Variants in GAL3ST2 observed in about 807,000 individuals in gnomAD.
GAL3ST2 encodes the protein beta-galactose-3-O-sulfotransferase 2.
A neutral mutation model predicts 12.9 loss-of-function variants in GAL3ST2; 16 were observed. The ratio of observed to expected loss-of-function variants is 1.24; its 90% CI spans 0.84 to 1.88. GAL3ST2 has a LOEUF of 1.88. GAL3ST2 is among the 40% of genes most tolerant of loss of function. The pLI is 0.00. For missense variants in GAL3ST2, 639 were observed against 571.8 expected, an observed-to-expected ratio of 1.12 and a Z score of -1.20; for synonymous variants, 302 against 273.9, an observed-to-expected ratio of 1.10 and a Z score of -1.01.
chr2:241,794,135 TG>T (rs1166862146), intron 1 of GAL3ST2, among the ~76,000 whole-genome samples: 4 of 152,020 alleles, frequency 2.6e-5, no homozygotes, highest in African/African-American at 7.3e-5. Context: ...TTCGTAGAGA[TG>T]GGGGTCTCAC....
intron 1 of GAL3ST2, among the ~76,000 whole-genome samples, chr2:241,792,251 A>G (rs1699701934): frequency 6.6e-6 from 1 of 151,864 alleles, no homozygotes; most frequent in African/African-American, 2.4e-5. Flanking sequence ...GCTGGTCTCA[A>G]ACTCCTGAAC....
intron 1 of GAL3ST2, among the ~76,000 whole-genome samples, chr2:241,792,678 C>T (rs1455553259): frequency 2.0e-5 from 3 of 152,076 alleles, no homozygotes; most frequent in Non-Finnish European, 4.4e-5. Flanking sequence ...CAGATGAAAC[C>T]TGGGACCAGA....
chr2:241,791,488 C>G (rs1699693406), intron 1 of GAL3ST2, among the ~76,000 whole-genome samples: 1 of 152,146 alleles, frequency 6.6e-6, no homozygotes. Context: ...TCTACAGAGT[C>G]CCTGTACAGG....
chr2:241,798,378 G>C (rs546331991), intron 1 of GAL3ST2, among the ~76,000 whole-genome samples: 1 of 152,220 alleles, frequency 6.6e-6, no homozygotes, highest in African/African-American at 2.4e-5. Context: ...ATGCGATCTC[G>C]AGCCAGCATG....
rs187354175 is a variant in GAL3ST2, at chr2:241,791,524, A to G, written c.30-7541A>G. Among the ~76,000 whole-genome samples the G allele has an allele frequency of 3.2e-4, 48 of 152,310 alleles. No homozygotes were observed. The East Asian group carries it at 6.7e-3, about 21-fold the overall frequency. Reference sequence around the variant, plus strand: ...GTTCCTGACCTGTGGCAAGAAAAGAATATCACTTTCTGACAGGTCCAGGAG... The same window carrying G: ...GTTCCTGACCTGTGGCAAGAAAAGAGTATCACTTTCTGACAGGTCCAGGAG... On this transcript the variant is annotated intron_variant, in intron 1 of 3. Coordinates refer to ENST00000192314, the MANE Select transcript of GAL3ST2 (RefSeq NM_022134.3).
At position 241,799,238 on chromosome 2, in the gene GAL3ST2, C is replaced by T. The variant is rs544289943; in HGVS notation, c.119+84C>T. 984 of 1,195,688 alleles carry T rather than the reference C, an allele frequency of 8.2e-4. 1 individual carries two copies. Among genetic ancestry groups the T allele is most frequent in the Non-Finnish European group, 1.1e-3 (852 of 805,312 alleles). 74.1% of individuals were successfully genotyped at this position (1,195,688 alleles called of 1,614,324 possible). ...AGAGCCTGGGACCCCAGCATGATCA[C>T]GCCCCCCACTGGGCCTGTCTCCCTC... On this transcript the variant is annotated intron_variant, in intron 2 of 3. Transcript: ENST00000192314.
chr2:241,803,854 CG>C lies in GAL3ST2; in HGVS notation c.886del (p.Ala296ProfsTer75). The C allele has an allele frequency of 6.9e-7, 1 of 1,453,408 alleles. No individual in the cohort carries two copies. Among genetic ancestry groups the C allele is most frequent in the South Asian group, 1.4e-5 (1 of 70,212 alleles). The allele number at this position is 1,453,408 out of a possible 1,614,324, so 90.0% of individuals were successfully genotyped here. ...FNRTLWAQLR[A>X]ELGPRRLRGE... ...ACCGCACCCTCTGGGCGCAGCTGCG[CG>C]CCGAGCTGGGGCCGCGGCGGCTGCG... On this transcript the variant is annotated frameshift_variant, in exon 4 of 4. Transcript: ENST00000192314. LOFTEE classifies it low-confidence loss of function (END_TRUNC).
intron 1 of GAL3ST2, among the ~76,000 whole-genome samples, chr2:241,794,473 G>A (rs1212705954): frequency 2.6e-5 from 4 of 152,166 alleles, no homozygotes; most frequent in South Asian, 2.1e-4. Flanking sequence ...GAGCCTCAGC[G>A]ACTTGCTGGG....
intron 1 of GAL3ST2, among the ~76,000 whole-genome samples, chr2:241,785,553 A>C (rs985982509): frequency 1.1e-5 from 1 of 90,002 alleles, no homozygotes. Context: ...ACTCCGTCTC[A>C]AAAAAAAAAA....
chr2:241,804,107 C>T lies in GAL3ST2; in HGVS notation c.1138C>T (p.Leu380=). 2 of 1,515,106 alleles carry T rather than the reference C, an allele frequency of 1.3e-6. No homozygotes were observed. Among genetic ancestry groups the T allele is most frequent in the South Asian group, 2.5e-5 (2 of 79,324 alleles). The allele number at this position is 1,515,106 out of a possible 1,614,324, so 93.9% of individuals were successfully genotyped here. The change falls in exon 4 of 4, where the codon CTG becomes TTG. Residue 380 remains leucine, a synonymous_variant. Transcript: ENST00000192314. ...VMPELQYMAR[L]YALQFPEKPL... is the part of the protein sequence containing the mutation. ...GCCTGAGCTCCAGTACATGGCCCGC[C>T]TGTACGCCCTGCAGTTCCCGGAGAA...
In GAL3ST2 at chr2:241,795,162, G is replaced by A. The variant is rs1699756236; in HGVS notation, c.30-3903G>A. Among the ~76,000 whole-genome samples the A allele has an allele frequency of 6.6e-6, 1 of 152,084 alleles. No individual in the cohort carries two copies. Among genetic ancestry groups the A allele is most frequent in the Non-Finnish European group, 1.5e-5 (1 of 68,026 alleles). On this transcript the variant is annotated intron_variant, in intron 1 of 3. Coordinates refer to ENST00000192314, the MANE Select transcript of GAL3ST2 (RefSeq NM_022134.3). This position sits in a 1 kb window ranked among gnomAD's most constrained non-coding sequence, Gnocchi z 4.5. Reference sequence around the variant, plus strand: ...CTCTGGGTCGGTCACGGGCACCTGTGGCTGGGCTCACCTCCTGGGTCCCCA... The same window carrying A: ...CTCTGGGTCGGTCACGGGCACCTGTAGCTGGGCTCACCTCCTGGGTCCCCA...
chr2:241,804,160 G>A lies in GAL3ST2; in HGVS notation c.1191G>A (p.Gly397=). ...EKPLKNIPFL[G]A Reference sequence around the variant, plus strand: ...CCCTCAAGAACATCCCGTTCCTGGGGGCGTAGAGGGGCCGGGCCGGGGACG... The same window carrying A: ...CCCTCAAGAACATCCCGTTCCTGGGAGCGTAGAGGGGCCGGGCCGGGGACG... Residue 397 remains glycine, a synonymous_variant, in exon 4 of 4, where the codon GGG becomes GGA. Transcript: ENST00000192314. 7.0e-7 allele frequency: 1 copy of A among 1,434,162 alleles called. No individual in the cohort carries two copies. The highest frequency in any genetic ancestry group is 2.8e-5 in the Admixed American group (1 of 36,190). 88.8% of individuals were successfully genotyped at this position (1,434,162 alleles called of 1,614,324 possible).
In GAL3ST2 at chr2:241,804,060, G is replaced by T; in HGVS notation, c.1091G>T (p.Gly364Val). Residue 364 changes from glycine to valine, a missense_variant, in exon 4 of 4, where the codon GGC (glycine) becomes GTC (valine). By Grantham distance (109) the Gly-to-Val change is moderately radical. Transcript: ENST00000192314. ...LRPGLDNQTL[G>V]VCQRLVMPEL... ...CCGGGCCTGGACAACCAGACGCTGG[G>T]CGTGTGCCAGAGGCTTGTGATGCCT... 6.4e-7 allele frequency: 1 copy of T among 1,555,214 alleles called. No individual in the cohort carries two copies. Among genetic ancestry groups the T allele is most frequent in the Non-Finnish European group, 8.7e-7 (1 of 1,151,448 alleles).
At chr2:241,791,623 G>A (rs1019307653) in intron 1 of GAL3ST2, among the ~76,000 whole-genome samples, 2 of 152,172 alleles carry the variant, frequency 1.3e-5, no homozygotes, top group African/African-American at 4.8e-5. Flanking sequence ...CAAATTCGTG[G>A]CTGGGCTCGG....
At chr2:241,785,077 A>G (rs1275831797) in intron 1 of GAL3ST2, among the ~76,000 whole-genome samples, 1 of 152,234 alleles carries the variant, frequency 6.6e-6, no homozygotes, top group Non-Finnish European at 1.5e-5. Flanking sequence ...GTTTCCAAAA[A>G]GGGAGAATTA....
In GAL3ST2 at chr2:241,803,557, C is replaced by CCCT; in HGVS notation, c.588_589insCCT (p.Asp196_Phe197insPro). On this transcript the variant is annotated inframe_insertion, in exon 4 of 4. Coordinates refer to ENST00000192314, the MANE Select transcript of GAL3ST2 (RefSeq NM_022134.3). The stretch of plus-strand genomic sequence containing the variant: ...ACGCCAAGAACAACATGTGGTTCGA[C>CCCT]TTCGGCTTCGACCCCAACGCGCAGT... 1 of 1,604,164 alleles carries CCCT rather than the reference C, an allele frequency of 6.2e-7. No homozygotes were observed. The highest frequency in any genetic ancestry group is 8.5e-7 in the Non-Finnish European group (1 of 1,175,378).
Position 241,803,569 on chromosome 2 carries a change from C to T in GAL3ST2, c.600C>T (p.Asp200=), listed in dbSNP as rs1699886468. The change falls in exon 4 of 4, where the codon GAC becomes GAT. Residue 200 remains aspartate (D), a synonymous_variant. Coordinates refer to ENST00000192314, the MANE Select transcript of GAL3ST2 (RefSeq NM_022134.3). Reference sequence around the variant, plus strand: ...ACATGTGGTTCGACTTCGGCTTCGACCCCAACGCGCAGTGCGAGGAGGGCT... The same window carrying T: ...ACATGTGGTTCGACTTCGGCTTCGATCCCAACGCGCAGTGCGAGGAGGGCT... The part of the protein sequence containing the change: ...KNNMWFDFGF[D]PNAQCEEGYV... The T allele has an allele frequency of 6.3e-7, 1 of 1,597,526 alleles. No homozygotes were observed. Among genetic ancestry groups the T allele is most frequent in the South Asian group, 1.1e-5 (1 of 88,976 alleles).
chr2:241,792,833 C>A (rs1005272370), intron 1 of GAL3ST2, among the ~76,000 whole-genome samples: 2 of 152,184 alleles, frequency 1.3e-5, no homozygotes, highest in East Asian at 3.8e-4. Context: ...TCAGGGCAAA[C>A]CTGCCCCCCA....
At position 241,801,982 on chromosome 2, in the gene GAL3ST2, G is replaced by A. The variant is rs1699856882; in HGVS notation, c.321G>A (p.Gly107=). 1 of 1,612,906 alleles carries A rather than the reference G, an allele frequency of 6.2e-7. No homozygotes were observed. Among genetic ancestry groups the A allele is most frequent in the Non-Finnish European group, 8.5e-7 (1 of 1,179,894 alleles). The change falls in exon 3 of 4, where the codon GGG becomes GGA. Residue 107 remains glycine, a synonymous_variant. Coordinates refer to ENST00000192314, the MANE Select transcript of GAL3ST2 (RefSeq NM_022134.3). The surrounding 1 kb of genome is among the most constrained non-coding windows in gnomAD (Gnocchi z 4.4). ...TGGCGCGCTACGTGGAAGGCGTGGG[G>A]TCGCAGCAGCGCTTCAACATCATGT... The part of the protein sequence containing the change: ...LFLARYVEGV[G]SQQRFNIMCN...
Sources: gnomAD v4.1 joint callset for allele counts (sites outside exome capture counted in the v4.1 genomes callset) on GRCh38, gnomAD v4.1.1 for gene constraint, Gnocchi (gnomAD v3.1) non-coding constraint, MANE v1.5 for transcripts, NCBI Gene and HGNC (gene_info 2026-07-23, HGNC 2026-07-21) for gene names.